The following GLIS1 variants were observed in gnomAD, a reference collection of about 807,000 sequenced individuals.
GLIS1 encodes zinc finger protein GLIS1.
Under a neutral mutation model 63.8 loss-of-function variants are expected in GLIS1, and 24 were observed. That is an observed-to-expected ratio of 0.38 (90% CI 0.27 to 0.53). The LOEUF is 0.53. Among genes scored for constraint, GLIS1 ranks in the 20% least tolerant of loss-of-function variants. GLIS1 has a pLI of 0.85. For synonymous variants in GLIS1, 450 were observed against 482.5 expected (o/e 0.93, Z 0.88); for missense variants, 1,036 against 1,074.1 (o/e 0.96, Z 0.50).
intron 4 of GLIS1, among the ~76,000 whole-genome samples, chr1:53,541,777 T>C (rs1385944794): frequency 1.3e-5 from 2 of 152,326 alleles, no homozygotes; most frequent in Non-Finnish European, 1.5e-5. Context: ...ACAGCAGCCC[T>C]GTGAGAGGCA....
rs188484582 is a variant in GLIS1 at position 53,506,567 on chromosome 1, G to A, written c.*52C>T. The A allele has an allele frequency of 7.4e-5, 117 of 1,580,956 alleles. No individual in the cohort carries two copies. In the African/African-American group the frequency reaches 1.5e-3, roughly 21 times the overall value. On this transcript the variant is annotated 3_prime_UTR_variant, in exon 11 of 11. Coordinates refer to ENST00000628545, the MANE Select transcript of GLIS1 (RefSeq NM_001367484.1). The stretch of plus-strand genomic sequence containing the variant: ...ACGGAGGGTGGGAGCGACAGCAGGT[G>A]GGCGAGGTGGCATCTGCAGTGCTGG...
chr1:53,641,524 C>G (rs1340194531), intron 2 of GLIS1, among the ~76,000 whole-genome samples: 1 of 152,132 alleles, frequency 6.6e-6, no homozygotes, highest in Non-Finnish European at 1.5e-5. Flanking sequence ...ACTGTGTGAC[C>G]TTGAAGAACT....
At chr1:53,631,922 AG>A (rs1190598999) in intron 2 of GLIS1, among the ~76,000 whole-genome samples, 1 of 152,140 alleles carries the variant, frequency 6.6e-6, no homozygotes, top group Non-Finnish European at 1.5e-5. Flanking sequence ...CCATAGAGCA[AG>A]AAAAAAAGGA....
intron 7 of GLIS1, among the ~76,000 whole-genome samples, chr1:53,515,073 GTGTATA>G (rs1425444571): frequency 5.0e-5 from 5 of 100,120 alleles, no homozygotes; most frequent in East Asian, 6.4e-4. Flanking sequence ...TAGGGTGTGT[GTGTATA>G]TGTGTGTGTG....
At chr1:53,631,101 C>T (rs1403506530) in intron 2 of GLIS1, among the ~76,000 whole-genome samples, 1 of 152,136 alleles carries the variant, frequency 6.6e-6, no homozygotes, top group African/African-American at 2.4e-5. Context: ...CTGTTTATAA[C>T]TTTTTCCCCA....
chr1:53,688,435 C>T (rs867991917), intron 2 of GLIS1, among the ~76,000 whole-genome samples: 1 of 152,126 alleles, frequency 6.6e-6, no homozygotes, highest in Non-Finnish European at 1.5e-5. Flanking sequence ...TACACCCAGT[C>T]CCCCAGCCTC....
At chr1:53,621,404 C>T (rs372802062) in intron 2 of GLIS1, among the ~76,000 whole-genome samples, 1 of 152,258 alleles carries the variant, frequency 6.6e-6, no homozygotes, top group Non-Finnish European at 1.5e-5. Context: ...GTGGGCCTCA[C>T]AGCCCGGCCC....
At chr1:53,701,523 C>T (rs1011229154) in intron 2 of GLIS1, among the ~76,000 whole-genome samples, 1 of 152,122 alleles carries the variant, frequency 6.6e-6, no homozygotes, top group African/African-American at 2.4e-5. Flanking sequence ...CTATTGTGGC[C>T]CCATTTTACA....
At chr1:53,592,728 C>T (rs1645204651) in intron 4 of GLIS1, among the ~76,000 whole-genome samples, 8 of 152,262 alleles carry the variant, frequency 5.3e-5, no homozygotes, top group Admixed American at 5.2e-4. Flanking sequence ...CTCCCCACCA[C>T]TGCTCCACAC....
At chr1:53,669,769 G>T (rs1017404673) in intron 2 of GLIS1, among the ~76,000 whole-genome samples, 1 of 152,210 alleles carries the variant, frequency 6.6e-6, no homozygotes, top group Non-Finnish European at 1.5e-5. Context: ...TGAAAGCAGA[G>T]GACAGGTCCA....
Position 53,646,955 on chromosome 1 carries a change from GGGAAGGAAA to G in GLIS1, c.260-46686_260-46678del, listed in dbSNP as rs754721250. ...AAAGAAGGAAGGAAAGGGAAGGGAAGGGAAGGAAAGGAAGGAAAGGAAGGAAAGGAAGGA... is the reference window on the plus strand; with the variant it reads ...AAAGAAGGAAGGAAAGGGAAGGGAAGGGAAGGAAAGGAAGGAAAGGAAGGA... On this transcript the variant is annotated intron_variant, in intron 2 of 10. Transcript: ENST00000628545. This position sits in a 1 kb window ranked among gnomAD's most constrained non-coding sequence, Gnocchi z 4.2. Among the ~76,000 whole-genome samples the G allele has an allele frequency of 0.028, 2,986 of 106,868 alleles. 39 individuals carry two copies. Among genetic ancestry groups the G allele is most frequent in the South Asian group, 0.045 (111 of 2,464 alleles). The allele number at this position is 106,868 out of a possible 152,430, so 70.1% of individuals were successfully genotyped here.
At chr1:53,614,801 CGCACACACAT>C (rs1645462385) in intron 2 of GLIS1, among the ~76,000 whole-genome samples, 1 of 151,624 alleles carries the variant, frequency 6.6e-6, no homozygotes, top group South Asian at 2.1e-4. Context: ...CGCACACACA[CGCACACACAT>C]GCACACACAT....
intron 2 of GLIS1, among the ~76,000 whole-genome samples, chr1:53,693,214 T>C (rs886710835): frequency 2.0e-5 from 3 of 152,308 alleles, no homozygotes; most frequent in South Asian, 2.1e-4. Context: ...TATCCCACTT[T>C]ACAGATGAGG....
intron 2 of GLIS1, among the ~76,000 whole-genome samples, chr1:53,711,897 T>A (rs1287246901): frequency 1.3e-5 from 2 of 152,176 alleles, no homozygotes; most frequent in Non-Finnish European, 2.9e-5. Context: ...ATTCATCTAA[T>A]GGGAAGGCAG....
intron 4 of GLIS1, among the ~76,000 whole-genome samples, chr1:53,569,737 T>G (rs984943377): frequency 3.9e-5 from 6 of 152,024 alleles, no homozygotes; most frequent in African/African-American, 1.4e-4. Flanking sequence ...ATAAGAGAAT[T>G]TGGCAAGTTG....
intron 4 of GLIS1, among the ~76,000 whole-genome samples, chr1:53,571,019 A>G (rs530789149): frequency 1.7e-4 from 26 of 152,368 alleles, no homozygotes; most frequent in African/African-American, 6.0e-4. Flanking sequence ...AAGTGAAGCT[A>G]AGTCACAAAC....
chr1:53,518,867 C>T (rs764563114), intron 7 of GLIS1, among the ~76,000 whole-genome samples: 4 of 152,244 alleles, frequency 2.6e-5, no homozygotes, highest in Non-Finnish European at 5.9e-5. Flanking sequence ...CTGAGGCCGG[C>T]ATCTGGGAGA....
chr1:53,533,807 C>A (rs889963812), intron 4 of GLIS1, among the ~76,000 whole-genome samples: 1 of 152,174 alleles, frequency 6.6e-6, no homozygotes, highest in African/African-American at 2.4e-5. Flanking sequence ...ATGGGGACAA[C>A]AGAGGCACAG....
chr1:53,507,305 T>C (rs1426696372), intron 10 of GLIS1, among the ~76,000 whole-genome samples: 1 of 152,154 alleles, frequency 6.6e-6, no homozygotes, highest in African/African-American at 2.4e-5. Flanking sequence ...ACTATCCTAT[T>C]GTACAGCTGA....
Sources: allele counts gnomAD v4.1 joint callset (sites outside exome capture counted in the v4.1 genomes callset), GRCh38; gene constraint gnomAD v4.1.1; non-coding constraint Gnocchi (gnomAD v3.1); transcripts MANE v1.5; gene names NCBI Gene and HGNC (gene_info 2026-07-23, HGNC 2026-07-21).